Variants in ITPK1 observed in about 807,000 individuals in gnomAD.
ITPK1 encodes inositol-tetrakisphosphate 1-kinase, also known as inositol 1,3,4-trisphosphate 5/6-kinase.
ITPK1 carries 21 observed loss-of-function variants against 45.3 expected under a neutral mutation model. The observed-to-expected ratio is 0.46, with a 90% CI of 0.33 to 0.67. The LOEUF is 0.67. ITPK1 is among the 30% of genes least tolerant of loss of function. ITPK1 has a pLI of 0.02. For synonymous variants in ITPK1, 258 were observed against 253.6 expected, an observed-to-expected ratio of 1.02 and a Z score of -0.16; for missense variants, 474 against 573.5, an observed-to-expected ratio of 0.83 and a Z score of 1.77.
At chr14:93,106,845 C>T (rs1892545307) in intron 2 of ITPK1, among the ~76,000 whole-genome samples, 2 of 152,194 alleles carry the variant, frequency 1.3e-5, no homozygotes. Flanking sequence ...ATCTCCCCCA[C>T]CCCTGGGGTT....
rs1889136187 is a variant in ITPK1, at chr14:93,032,819, C to T, written c.121-16018G>A. On this transcript the variant is annotated intron_variant, in intron 3 of 10. Coordinates refer to ENST00000267615, the MANE Select transcript of ITPK1 (RefSeq NM_014216.6). This position sits in a 1 kb window ranked among gnomAD's most constrained non-coding sequence, Gnocchi z 4.0. The stretch of plus-strand genomic sequence containing the variant: ...ATCGCACTCTGCAGACTGCAGCGTA[C>T]TCCACAGCTCTGAGCAGCTGCTCAG... Among the ~76,000 whole-genome samples the T allele has an allele frequency of 6.6e-6, 1 of 152,244 alleles. No individual in the cohort carries two copies. Among genetic ancestry groups the T allele is most frequent in the African/African-American group, 2.4e-5 (1 of 41,454 alleles).
At chr14:92,972,594 T>A (rs1374336303) in intron 5 of ITPK1, among the ~76,000 whole-genome samples, 1 of 152,178 alleles carries the variant, frequency 6.6e-6, no homozygotes, top group African/African-American at 2.4e-5. Flanking sequence ...TTTGTTTGTT[T>A]ATTTGTTTTT....
chr14:92,970,500 C>G (rs1231759312), intron 5 of ITPK1, among the ~76,000 whole-genome samples: 1 of 152,204 alleles, frequency 6.6e-6, no homozygotes, highest in Non-Finnish European at 1.5e-5. Flanking sequence ...TGCGCTCAGT[C>G]CTGCTTCCTG....
At chr14:93,078,998 GCCTCGGTTTC>G (rs1303385111) in intron 2 of ITPK1, among the ~76,000 whole-genome samples, 1 of 152,046 alleles carries the variant, frequency 6.6e-6, no homozygotes, top group Admixed American at 6.6e-5. Flanking sequence ...CTGGGCCAGG[GCCTCGGTTTC>G]CCTCTGAGTC....
chr14:93,085,932 T>A (rs1891633234), intron 2 of ITPK1, among the ~76,000 whole-genome samples: 1 of 151,974 alleles, frequency 6.6e-6, no homozygotes, highest in Non-Finnish European at 1.5e-5. Context: ...AGGGAGGTAG[T>A]GGGGGGTGCT....
intron 3 of ITPK1, among the ~76,000 whole-genome samples, chr14:93,020,577 GC>G (rs1421846377): frequency 1.3e-5 from 2 of 152,188 alleles, no homozygotes; most frequent in Non-Finnish European, 2.9e-5. Flanking sequence ...GTTGCCCACA[GC>G]CCCAGAACCC....
At chr14:93,101,533 C>G (rs1892320103) in intron 2 of ITPK1, among the ~76,000 whole-genome samples, 1 of 152,136 alleles carries the variant, frequency 6.6e-6, no homozygotes, top group Non-Finnish European at 1.5e-5. Context: ...GGAGCTGAAA[C>G]ACACCCACAG....
chr14:93,105,886 G>C (rs1368907418), intron 2 of ITPK1, among the ~76,000 whole-genome samples: 3 of 151,956 alleles, frequency 2.0e-5, no homozygotes, highest in Admixed American at 2.0e-4. Flanking sequence ...TGTATTTTTA[G>C]TAGAGACTGG....
chr14:92,980,253 C>G (rs928800603), intron 5 of ITPK1, among the ~76,000 whole-genome samples: 7 of 152,176 alleles, frequency 4.6e-5, no homozygotes, highest in Admixed American at 6.5e-5. Flanking sequence ...AGAGAAAACA[C>G]AAAGAGAACA....
At chr14:93,018,165 A>T (rs537230306) in intron 3 of ITPK1, among the ~76,000 whole-genome samples, 89 of 152,272 alleles carry the variant, frequency 5.8e-4, no homozygotes, top group African/African-American at 1.5e-3. Flanking sequence ...GGCAAGAAGG[A>T]GAGAGGGAGG....
chr14:92,991,578 C>A (rs1023252110), intron 5 of ITPK1, among the ~76,000 whole-genome samples: 1 of 152,138 alleles, frequency 6.6e-6, no homozygotes, highest in African/African-American at 2.4e-5. Context: ...CTAGGACACA[C>A]CCTGCTTAAA....
At chr14:92,993,564 C>T (rs887759033) in intron 5 of ITPK1, among the ~76,000 whole-genome samples, 4 of 152,162 alleles carry the variant, frequency 2.6e-5, no homozygotes, top group Admixed American at 1.3e-4. Flanking sequence ...TGCCACTGAG[C>T]TGTCTACACA....
At chr14:93,010,442 A>G (rs1473863063) in intron 4 of ITPK1, among the ~76,000 whole-genome samples, 2 of 152,198 alleles carry the variant, frequency 1.3e-5, no homozygotes, top group African/African-American at 2.4e-5. Context: ...ACAGCTCTGA[A>G]GGTGTTCTGT....
At chr14:93,077,058 C>G (rs1891252508) in intron 2 of ITPK1, among the ~76,000 whole-genome samples, 1 of 152,196 alleles carries the variant, frequency 6.6e-6, no homozygotes, top group African/African-American at 2.4e-5. Flanking sequence ...AGTCATGCCC[C>G]AACCCATCCA....
chr14:93,110,140 G>C (rs1031090201), intron 2 of ITPK1, among the ~76,000 whole-genome samples: 8 of 152,168 alleles, frequency 5.3e-5, no homozygotes, highest in Non-Finnish European at 1.0e-4. Flanking sequence ...GTGGAGTCAG[G>C]CCTGAAACTG....
At chr14:92,962,258 G>A in intron 7 of ITPK1, 97 bp downstream of exon 7, 1 of 889,638 alleles carries the variant, frequency 1.1e-6, no homozygotes, top group Non-Finnish European at 1.9e-6. Flanking sequence ...AGCAGGGCAG[G>A]AGCAGTGGCA....
At chr14:92,971,339 G>A (rs1391236199) in intron 5 of ITPK1, among the ~76,000 whole-genome samples, 1 of 152,202 alleles carries the variant, frequency 6.6e-6, no homozygotes, top group Non-Finnish European at 1.5e-5. Flanking sequence ...TTTCCTTGCT[G>A]TAAAATGAGG....
intron 3 of ITPK1, among the ~76,000 whole-genome samples, chr14:93,029,842 C>A (rs994911146): frequency 7.9e-5 from 12 of 152,172 alleles, no homozygotes; most frequent in Non-Finnish European, 1.2e-4. Context: ...GTGGACAAGG[C>A]AAGGGTAACA....
intron 5 of ITPK1, among the ~76,000 whole-genome samples, chr14:92,973,614 G>A (rs887054700): frequency 6.6e-6 from 1 of 152,246 alleles, no homozygotes; most frequent in Non-Finnish European, 1.5e-5. Flanking sequence ...GATGTTCTGT[G>A]CATCCGGGTG....
Sources: allele counts gnomAD v4.1 joint callset (sites outside exome capture counted in the v4.1 genomes callset), GRCh38; gene constraint gnomAD v4.1.1; non-coding constraint Gnocchi (gnomAD v3.1); transcripts MANE v1.5; gene names NCBI Gene and HGNC (gene_info 2026-07-23, HGNC 2026-07-21).